The following ADCY2 variants were observed in gnomAD, a reference collection of about 807,000 sequenced individuals.
The protein encoded by ADCY2 is adenylate cyclase 2.
A neutral mutation model predicts 125.2 loss-of-function variants in ADCY2; 31 were observed. The observed-to-expected ratio is 0.25, with a 90% confidence interval of 0.19 to 0.33. The LOEUF (loss-of-function observed/expected upper bound fraction) is 0.33, where lower values mean the gene tolerates loss of function less well. Among genes scored for constraint, ADCY2 ranks in the 10% least tolerant of loss-of-function variants. The pLI, the probability that ADCY2 is intolerant of heterozygous loss-of-function variation, is 1.00. For synonymous variants in ADCY2, 512 were observed against 548.4 expected, an observed-to-expected ratio of 0.93 and a Z score of 0.93; for missense variants, 904 against 1,418.2, an observed-to-expected ratio of 0.64 and a Z score of 5.82.
chr5:7,728,215 T>G (rs1741990263), intron 14 of ADCY2, among the ~76,000 whole-genome samples: 1 of 152,216 alleles, frequency 6.6e-6, no homozygotes, highest in Non-Finnish European at 1.5e-5. Flanking sequence ...TTTTGTCTCA[T>G]GAACGTGCTG....
chr5:7,582,110 G>T (rs1736457153), intron 3 of ADCY2, among the ~76,000 whole-genome samples: 2 of 152,120 alleles, frequency 1.3e-5, no homozygotes, highest in Admixed American at 1.3e-4. Flanking sequence ...GCACTGTAAG[G>T]TTGGAGTGGC....
chr5:7,586,588 G>A (rs1380239978), intron 3 of ADCY2, among the ~76,000 whole-genome samples: 1 of 152,054 alleles, frequency 6.6e-6, no homozygotes. Context: ...TAGGAGACAA[G>A]GTCATCTAAT....
chr5:7,591,348 A>G (rs1191855814), intron 3 of ADCY2, among the ~76,000 whole-genome samples: 1 of 152,180 alleles, frequency 6.6e-6, no homozygotes, highest in Non-Finnish European at 1.5e-5. Context: ...TTCTATCAGA[A>G]AGTTTAAGAA....
chr5:7,650,367 G>A (rs964242340), intron 4 of ADCY2, among the ~76,000 whole-genome samples: 5 of 152,166 alleles, frequency 3.3e-5, no homozygotes, highest in African/African-American at 4.8e-5. Context: ...GTGTATGACA[G>A]CTGCCATTAC....
chr5:7,488,622 A>AT (rs909630078), intron 2 of ADCY2, among the ~76,000 whole-genome samples: 1 of 151,968 alleles, frequency 6.6e-6, no homozygotes, highest in African/African-American at 2.4e-5. Context: ...TTGTCTGCTC[A>AT]TTTTTTAGGG....
rs1739216519 is a variant in ADCY2 at position 7,400,315 on chromosome 5, A to G, written c.210+3809A>G. On this transcript the variant is annotated intron_variant, in intron 1 of 24. Transcript: ENST00000338316. ...TAAATAGGTAATATATGTGACTGAG[A>G]ATATGGCCCACCTTGTTTCTTTTAT... Among the ~76,000 whole-genome samples the G allele has an allele frequency of 2.0e-5, 3 of 152,198 alleles. No homozygotes were observed. The South Asian group carries it at 6.2e-4, about 32-fold the overall frequency.
At chr5:7,528,885 A>G (rs953472490) in intron 3 of ADCY2, among the ~76,000 whole-genome samples, 4 of 152,240 alleles carry the variant, frequency 2.6e-5, no homozygotes. Context: ...CATCTATTAA[A>G]CCACCAGTAA....
chr5:7,762,344 G>T (rs186482971), intron 16 of ADCY2, among the ~76,000 whole-genome samples: 3 of 152,348 alleles, frequency 2.0e-5, no homozygotes, highest in Admixed American at 6.5e-5. Context: ...CACAGAAGAG[G>T]CAGGACTTGT....
intron 23 of ADCY2, among the ~76,000 whole-genome samples, 191 bp downstream of exon 23, chr5:7,817,171 C>G (rs149520779): frequency 1.8e-4 from 28 of 152,116 alleles, no homozygotes; most frequent in African/African-American, 6.5e-4. Context: ...TTGATTGGAC[C>G]TAGGCTACCT....
intron 16 of ADCY2, among the ~76,000 whole-genome samples, chr5:7,766,163 G>T (rs1172881570): frequency 6.6e-6 from 1 of 152,020 alleles, no homozygotes; most frequent in Non-Finnish European, 1.5e-5. Flanking sequence ...ATTCTGAGTT[G>T]CCAGGCACTC....
intron 7 of ADCY2, 64 bp downstream of exon 7, chr5:7,698,438 C>T (rs4257743): frequency 0.15 from 235,318 of 1,557,660 alleles, 19,772 homozygotes; most frequent in Admixed American, 0.36. Context: ...ATGTGCACAA[C>T]GTGCAGGTTT....
At position 7,513,037 on chromosome 5, in the gene ADCY2, G is replaced by A. The variant is rs140323550; in HGVS notation, c.409-7701G>A. On this transcript the variant is annotated intron_variant, in intron 2 of 24. Transcript: ENST00000338316. ...TTCTCAACTGAACCAGAGCTGGGAT[G>A]TGATGGAATTTCAGTGAGGGAGAAT... Among the ~76,000 whole-genome samples, 280 of 150,748 alleles carry A rather than the reference G, an allele frequency of 1.9e-3. 2 individuals carry two copies. Among genetic ancestry groups the A allele is most frequent in the African/African-American group, 6.6e-3 (270 of 41,074 alleles).
At chr5:7,784,230 G>T (rs1247232326) in intron 18 of ADCY2, 135 bp from the exon 19 acceptor site, 3 of 635,306 alleles carry the variant, frequency 4.7e-6, no homozygotes, top group Non-Finnish European at 8.2e-6. Context: ...AAGGAGATTT[G>T]AAACTTGTGT....
intron 3 of ADCY2, among the ~76,000 whole-genome samples, chr5:7,554,351 A>G (rs1001813541): frequency 1.3e-5 from 2 of 152,202 alleles, no homozygotes; most frequent in African/African-American, 4.8e-5. Context: ...ATGACATTCT[A>G]AACAGTAAAC....
chr5:7,778,006 A>G (rs905908285), intron 18 of ADCY2, among the ~76,000 whole-genome samples: 4 of 152,080 alleles, frequency 2.6e-5, no homozygotes, highest in Non-Finnish European at 5.9e-5. Flanking sequence ...GATGTTTCCT[A>G]TTCTTTGGTG....
intron 12 of ADCY2, among the ~76,000 whole-genome samples, chr5:7,721,341 G>T (rs1341416573): frequency 6.6e-6 from 1 of 152,196 alleles, no homozygotes; most frequent in Admixed American, 6.5e-5. Flanking sequence ...CTCCCATTCT[G>T]TAGGTTGCCT....
chr5:7,464,279 C>A (rs1742027049), intron 2 of ADCY2, among the ~76,000 whole-genome samples: 1 of 152,154 alleles, frequency 6.6e-6, no homozygotes. Context: ...TCTGACTACA[C>A]TGAGAGTGCC....
chr5:7,499,021 G>T (rs1743447751), intron 2 of ADCY2, among the ~76,000 whole-genome samples: 1 of 152,132 alleles, frequency 6.6e-6, no homozygotes, highest in African/African-American at 2.4e-5. Context: ...TGTTGTTGTT[G>T]TTGTTGAGAT....
At chr5:7,793,106 G>A (rs1170754011) in intron 20 of ADCY2, among the ~76,000 whole-genome samples, 2 of 152,168 alleles carry the variant, frequency 1.3e-5, no homozygotes, top group African/African-American at 2.4e-5. Context: ...TGAGGGTGAC[G>A]TGACATTTTC....
Sources: allele counts gnomAD v4.1 joint callset (sites outside exome capture counted in the v4.1 genomes callset), GRCh38; gene constraint gnomAD v4.1.1; transcripts MANE v1.5; gene names NCBI Gene and HGNC (gene_info 2026-07-23, HGNC 2026-07-21).